Variants in ARL15 observed in about 807,000 individuals in gnomAD.
ARL15 encodes the protein ADP-ribosylation factor-like protein 15.
ARL15 carries 19 observed loss-of-function variants against 25.2 expected under a neutral mutation model. That is an observed-to-expected ratio of 0.75 (90% confidence interval 0.53 to 1.10). The LOEUF (loss-of-function observed/expected upper bound fraction) is 1.10. Ranked by LOEUF, ARL15 falls within the 50% of genes least tolerant of loss-of-function variation. The pLI is 0.00. For missense variants in ARL15, 220 were observed against 246.0 expected, an observed-to-expected ratio of 0.89 and a Z score of 0.71; for synonymous variants, 94 against 86.8, an observed-to-expected ratio of 1.08 and a Z score of -0.46.
In ARL15 at chr5:53,910,091, T is replaced by C. The variant is rs545930621; in HGVS notation, c.463-23378A>G. Among the ~76,000 whole-genome samples, 30 of 152,318 alleles carry C rather than the reference T, an allele frequency of 2.0e-4. 1 individual carries two copies. In the South Asian group the frequency reaches 5.8e-3, roughly 29 times the overall value. ...ACCTTTCAGGCAGGCCAGAAGACCC[T>C]CAGGATTCTTAACTTTCACAATGAA... On this transcript the variant is annotated intron_variant, in intron 4 of 4. Transcript: ENST00000504924.
chr5:54,091,664 GAC>G (rs1278355260), intron 4 of ARL15, among the ~76,000 whole-genome samples: 1 of 152,136 alleles, frequency 6.6e-6, no homozygotes, highest in African/African-American at 2.4e-5. Context: ...CCTGTCAACT[GAC>G]AGTCGGGCTT....
intron 3 of ARL15, among the ~76,000 whole-genome samples, chr5:54,131,180 G>A (rs1487563085): frequency 6.6e-6 from 1 of 152,110 alleles, no homozygotes; most frequent in East Asian, 1.9e-4. Context: ...TTCAATGTTT[G>A]ATAATGTGAA....
intron 4 of ARL15, among the ~76,000 whole-genome samples, chr5:53,937,726 T>C (rs13170364): frequency 0.24 from 35,848 of 151,886 alleles, 4,584 homozygotes; most frequent in African/African-American, 0.31. Flanking sequence ...CACTCTGTGA[T>C]GGTCACACAA....
At chr5:54,018,550 T>C (rs905573177) in intron 4 of ARL15, among the ~76,000 whole-genome samples, 8 of 152,200 alleles carry the variant, frequency 5.3e-5, no homozygotes, top group African/African-American at 1.9e-4. Flanking sequence ...TCCTGCTGAG[T>C]GCATATGAAT....
intron 1 of ARL15, among the ~76,000 whole-genome samples, chr5:54,227,592 T>C (rs79391125): frequency 6.6e-6 from 1 of 152,174 alleles, no homozygotes; most frequent in African/African-American, 2.4e-5. Context: ...AAGGGCCAGA[T>C]GCACAGGAGA....
chr5:54,003,345 G>A (rs915430610), intron 4 of ARL15, among the ~76,000 whole-genome samples: 4 of 152,152 alleles, frequency 2.6e-5, no homozygotes, highest in Admixed American at 6.5e-5. Flanking sequence ...CGTGAGCTGG[G>A]AACAACATGG....
Position 53,922,394 on chromosome 5 carries a change from C to T in ARL15, c.463-35681G>A, listed in dbSNP as rs144593213. On this transcript the variant is annotated intron_variant, in intron 4 of 4. Transcript: ENST00000504924. ...ACCAGTTCATTTAGTCTTTGAATGT[C>T]TTCTTATTTTTTAAATGACAATGAC... Among the ~76,000 whole-genome samples, 248 of 152,294 alleles carry T rather than the reference C, an allele frequency of 1.6e-3. 1 individual carries two copies. Among genetic ancestry groups the T allele is most frequent in the African/African-American group, 5.8e-3 (243 of 41,568 alleles).
intron 4 of ARL15, among the ~76,000 whole-genome samples, chr5:53,927,345 GGACA>G (rs1163637124): frequency 6.6e-5 from 10 of 152,178 alleles, no homozygotes; most frequent in East Asian, 1.9e-4. Context: ...AAATGAAGAT[GGACA>G]GACAGACAGA....
intron 1 of ARL15, among the ~76,000 whole-genome samples, chr5:54,242,740 G>A (rs2112579714): frequency 1.3e-5 from 2 of 152,298 alleles, no homozygotes; most frequent in East Asian, 3.9e-4. Flanking sequence ...ACTGAATGAT[G>A]TCGCTCGTGC....
chr5:54,215,576 G>A (rs1483927549), intron 1 of ARL15, among the ~76,000 whole-genome samples: 2 of 135,266 alleles, frequency 1.5e-5, no homozygotes, highest in Admixed American at 7.9e-5. Context: ...AGTCTTCAGC[G>A]AAGAAACCCC....
intron 4 of ARL15, among the ~76,000 whole-genome samples, chr5:54,086,940 TG>T (rs1561218608): frequency 2.0e-5 from 3 of 152,244 alleles, no homozygotes; most frequent in Admixed American, 1.3e-4. Context: ...ACATACTTTA[TG>T]GCTAAATAAT....
chr5:54,091,141 T>C (rs1320110343), intron 4 of ARL15, among the ~76,000 whole-genome samples: 2 of 152,136 alleles, frequency 1.3e-5, no homozygotes, highest in Non-Finnish European at 2.9e-5. Flanking sequence ...CTTCCACACT[T>C]TGGAAATCTA....
At chr5:53,904,694 C>T (rs1172463850) in intron 4 of ARL15, among the ~76,000 whole-genome samples, 1 of 151,232 alleles carries the variant, frequency 6.6e-6, no homozygotes, top group Non-Finnish European at 1.5e-5. Context: ...AAGATTAGTA[C>T]CATTGGTATG....
chr5:54,056,570 C>A (rs1579746568), intron 4 of ARL15, among the ~76,000 whole-genome samples: 1 of 149,620 alleles, frequency 6.7e-6, no homozygotes, highest in African/African-American at 2.5e-5. Context: ...GCAGAGGCTG[C>A]AGTGAGCCAA....
intron 4 of ARL15, among the ~76,000 whole-genome samples, chr5:54,112,676 T>C (rs1310096600): frequency 6.6e-6 from 1 of 152,092 alleles, no homozygotes; most frequent in Non-Finnish European, 1.5e-5. Flanking sequence ...TAAAATTAAA[T>C]GAGGAAGATA....
chr5:54,070,959 A>G (rs917892548), intron 4 of ARL15, among the ~76,000 whole-genome samples: 1 of 152,078 alleles, frequency 6.6e-6, no homozygotes, highest in African/African-American at 2.4e-5. Context: ...TCCTGAGCTC[A>G]GGAATTCGAG....
intron 2 of ARL15, among the ~76,000 whole-genome samples, chr5:54,166,182 TTCTC>T (rs751364891): frequency 1.3e-4 from 20 of 151,958 alleles, no homozygotes; most frequent in South Asian, 8.3e-4. Context: ...TCACGTTTCT[TTCTC>T]TCTCTCTCTT....
At chr5:54,228,488 C>T (rs934382669) in intron 1 of ARL15, among the ~76,000 whole-genome samples, 3 of 149,460 alleles carry the variant, frequency 2.0e-5, no homozygotes, top group Admixed American at 2.0e-4. Flanking sequence ...GAGGACTGAC[C>T]CCCCCACCCC....
At chr5:54,272,107 CTTTTTTTT>C (rs34592464) in intron 1 of ARL15, among the ~76,000 whole-genome samples, 6 of 36,790 alleles carry the variant, frequency 1.6e-4, no homozygotes, top group Admixed American at 7.0e-4. Context: ...CCACTCCTGG[CTTTTTTTT>C]TTTTTTTTTT....
Sources: gnomAD v4.1 joint callset for allele counts (sites outside exome capture counted in the v4.1 genomes callset) on GRCh38, gnomAD v4.1.1 for gene constraint, MANE v1.5 for transcripts, NCBI Gene and HGNC (gene_info 2026-07-23, HGNC 2026-07-21) for gene names.